The following NLRC5 variants were observed in gnomAD, a reference collection of about 807,000 sequenced individuals.
The protein encoded by NLRC5 is NLR family CARD domain containing 5, also known as protein NLRC5.
NLRC5 carries 114 observed loss-of-function variants against 206.9 expected under a neutral mutation model. The observed-to-expected ratio is 0.55, with a 90% CI of 0.47 to 0.64. The LOEUF is 0.64. Among genes scored for constraint, NLRC5 ranks in the 30% least tolerant of loss-of-function variants. The probability of loss-of-function intolerance (pLI) is 0.00; values close to 1 mark genes in which losing one functional copy is unlikely to be tolerated. For missense variants in NLRC5, 2,008 were observed against 2,305.5 expected, an observed-to-expected ratio of 0.87 and a Z score of 2.64; for synonymous variants, 952 against 962.8, an observed-to-expected ratio of 0.99 and a Z score of 0.21.
chr16:57,069,023 T>C (rs1400922807), intron 36 of NLRC5, among the ~76,000 whole-genome samples: 1 of 152,248 alleles, frequency 6.6e-6, no homozygotes, highest in Admixed American at 6.5e-5. Context: ...GCACATGATG[T>C]GTCAGAGTCC....
chr16:57,019,319 C>A (rs1201667727), intron 2 of NLRC5, among the ~76,000 whole-genome samples: 2 of 152,148 alleles, frequency 1.3e-5, no homozygotes. Flanking sequence ...ATCGCTTGAA[C>A]CCGGGAGGCG....
At position 57,026,641 on chromosome 16, in the gene NLRC5, G is replaced by C. The variant is rs1004722988; in HGVS notation, c.1698G>C (p.Ala566=). ...CAGACCACCTCCCCACCTTCCTGGC[G>C]GGCCTGGCATCCTGCACCTGCCGCC... ...GLSDHLPTFL[A]GLASCTCRPF... The change falls in exon 6 of 49, where the codon GCG becomes GCC. Residue 566 remains alanine (A), a synonymous_variant. Coordinates refer to ENST00000688547, the MANE Select transcript of NLRC5 (RefSeq NM_001384950.1). 1 of 1,614,122 alleles carries C rather than the reference G, an allele frequency of 6.2e-7. No homozygotes were observed. Among genetic ancestry groups the C allele is most frequent in the South Asian group, 1.1e-5 (1 of 91,088 alleles).
chr16:57,041,890 A>T, intron 18 of NLRC5, 92 bp from the exon 19 acceptor site: 1 of 845,934 alleles, frequency 1.2e-6, no homozygotes, highest in East Asian at 2.8e-5. Flanking sequence ...GTCCAGTTTC[A>T]GGAAGTTGAG....
chr16:57,041,252 G>A (rs889518504), intron 17 of NLRC5: 4 of 530,080 alleles, frequency 7.5e-6, no homozygotes, highest in Non-Finnish European at 1.0e-5. Flanking sequence ...AGGTCTCTGT[G>A]CCTTGGTTTC....
Position 57,039,869 on chromosome 16 carries a change from C to T in NLRC5, c.2870+20C>T. On this transcript the variant is annotated intron_variant, in intron 16 of 48. Coordinates refer to ENST00000688547, the MANE Select transcript of NLRC5 (RefSeq NM_001384950.1). ...GGAGAGGTAGGGCCCGATTTCACCC[C>T]AACTCCATGCTCAGTCAGGGACATT... 6.2e-7 allele frequency: 1 copy of T among 1,601,382 alleles called. No individual in the cohort carries two copies. The highest frequency in any genetic ancestry group is 8.6e-7 in the Non-Finnish European group (1 of 1,168,470).
In NLRC5 at chr16:57,081,263, C is replaced by T; in HGVS notation, c.5405+82C>T. 5 of 1,341,606 alleles carry T rather than the reference C, an allele frequency of 3.7e-6. No homozygotes were observed. In the South Asian group the frequency reaches 5.1e-5, roughly 14 times the overall value. 83.1% of individuals were successfully genotyped at this position (1,341,606 alleles called of 1,614,324 possible). The stretch of plus-strand genomic sequence containing the variant: ...ACACCAAGAGGCCACTGGGTCAGTC[C>T]CCTGCCTCCCAGAAAGCCCTTCCTT... On this transcript the variant is annotated intron_variant, in intron 47 of 48. Coordinates refer to ENST00000688547, the MANE Select transcript of NLRC5 (RefSeq NM_001384950.1).
intron 22 of NLRC5, 66 bp downstream of exon 22, chr16:57,046,707 G>A (rs1206415291): frequency 7.6e-7 from 1 of 1,323,304 alleles, no homozygotes; most frequent in Admixed American, 1.8e-5. Flanking sequence ...AGGGGGCAGA[G>A]CTGGCAGGGG....
Position 57,026,452 on chromosome 16 carries a change from T to G in NLRC5, c.1509T>G (p.Pro503=), listed in dbSNP as rs1163829415. Residue 503 remains proline, a synonymous_variant, in exon 6 of 49, where the codon CCT becomes CCG. Coordinates refer to ENST00000688547, the MANE Select transcript of NLRC5 (RefSeq NM_001384950.1). ...LLTSFCVCTG[P]GHQQTGYAFT... ...CTTCCTTCTGCGTCTGCACAGGCCC[T>G]GGGCACCAGCAGACAGGCTATGCTT... The G allele has an allele frequency of 3.7e-6, 6 of 1,614,052 alleles. No homozygotes were observed. The highest frequency in any genetic ancestry group is 5.1e-6 in the Non-Finnish European group (6 of 1,180,026).
At chr16:57,066,364 T>C (rs2067085377) in intron 33 of NLRC5, among the ~76,000 whole-genome samples, 170 bp from the exon 34 acceptor site, 1 of 151,174 alleles carries the variant, frequency 6.6e-6, no homozygotes, top group Admixed American at 6.6e-5. Context: ...TGGGGTATTG[T>C]GTGTGACTCA....
At chr16:57,052,243 C>T (rs759601236) in intron 24 of NLRC5, among the ~76,000 whole-genome samples, 1 of 152,146 alleles carries the variant, frequency 6.6e-6, no homozygotes, top group African/African-American at 2.4e-5. Context: ...GAGGCCGAGG[C>T]GGGCAGATCA....
intron 1 of NLRC5, among the ~76,000 whole-genome samples, chr16:57,007,284 G>A (rs2059021580): frequency 2.0e-5 from 3 of 152,194 alleles, no homozygotes; most frequent in Admixed American, 2.0e-4. Flanking sequence ...ATGATGCAAA[G>A]CATCTAAGTG....
Position 57,043,881 on chromosome 16 carries a change from AGATTTTTTTTTTTAG to A in NLRC5, c.3203+290_3203+304del. The A allele has an allele frequency of 8.6e-6, 4 of 463,198 alleles. No individual in the cohort carries two copies. In the South Asian group the frequency reaches 1.1e-4, roughly 12 times the overall value. The allele number at this position is 463,198 out of a possible 1,614,324, so 28.7% of individuals were successfully genotyped here. A position where few individuals can be genotyped will look rare whatever the true frequency, so the allele number is the denominator to read the frequency against. ...CACTCGTTCTTTGGATAGTCCTTAG[AGATTTTTTTTTTTAG>A]GATTTTTTTTTTAATTATTATACTT... On this transcript the variant is annotated intron_variant, in intron 20 of 48. Coordinates refer to ENST00000688547, the MANE Select transcript of NLRC5 (RefSeq NM_001384950.1).
intron 23 of NLRC5, among the ~76,000 whole-genome samples, chr16:57,050,279 G>T (rs2064696719): frequency 6.6e-6 from 1 of 152,078 alleles, no homozygotes; most frequent in Non-Finnish European, 1.5e-5. Flanking sequence ...GGGGCAGAAA[G>T]GGTAGAGTTG....
intron 1 of NLRC5, chr16:57,004,445 C>T (rs1205281606): frequency 6.6e-6 from 1 of 152,252 alleles, no homozygotes; most frequent in Non-Finnish European, 1.5e-5. Flanking sequence ...CTTCCCTGGA[C>T]ACCTGATATG....
At chr16:57,003,599 C>T (rs985376118) in intron 1 of NLRC5, among the ~76,000 whole-genome samples, 8 of 152,266 alleles carry the variant, frequency 5.3e-5, no homozygotes, top group East Asian at 1.9e-4. Flanking sequence ...CTCCCTCCCC[C>T]GCCCACTGGG....
chr16:57,030,438 A>AGATGGATGGATGGGTGGATGAAAGGATG (rs765082342), intron 10 of NLRC5, among the ~76,000 whole-genome samples: 2 of 89,542 alleles, frequency 2.2e-5, no homozygotes, highest in East Asian at 3.1e-4. Context: ...GTGGATGAAA[A>AGATGGATGGATGGGTGGATGAAAGGATG]GATGGATGGA....
At position 57,074,618 on chromosome 16, in the gene NLRC5, G is replaced by C; in HGVS notation, c.4686G>C (p.Leu1562=). The part of the protein sequence containing the change: ...LKRLDLSHLL[L]NSSTLALLTH... ...TCTCCAGCCTCAGTCACCTTCTGCTGAACAGCTCCACCTTGGCCTTGCTTA... is the reference window on the plus strand; with the variant it reads ...TCTCCAGCCTCAGTCACCTTCTGCTCAACAGCTCCACCTTGGCCTTGCTTA... Residue 1562 remains leucine (L), a synonymous_variant, in exon 39 of 49, where the codon CTG becomes CTC. Transcript: ENST00000688547. 1 of 1,613,920 alleles carries C rather than the reference G, an allele frequency of 6.2e-7. No individual in the cohort carries two copies. The highest frequency in any genetic ancestry group is 8.5e-7 in the Non-Finnish European group (1 of 1,179,868).
At chr16:57,070,046 G>A (rs2144870851) in intron 37 of NLRC5, 127 bp downstream of exon 37, 1 of 745,306 alleles carries the variant, frequency 1.3e-6, no homozygotes, top group Non-Finnish European at 2.2e-6. Flanking sequence ...CTGATGAAGT[G>A]CAGCAGTTCT....
intron 5 of NLRC5, among the ~76,000 whole-genome samples, 196 bp from the exon 6 acceptor site, chr16:57,025,172 G>A (rs111800495): frequency 7.9e-5 from 12 of 152,240 alleles, no homozygotes; most frequent in African/African-American, 2.6e-4. Flanking sequence ...GAGAGCCTAT[G>A]CTCCCTTAGA....
Sources: allele counts gnomAD v4.1 joint callset (sites outside exome capture counted in the v4.1 genomes callset), GRCh38; gene constraint gnomAD v4.1.1; transcripts MANE v1.5; gene names NCBI Gene and HGNC (gene_info 2026-07-23, HGNC 2026-07-21).